Variants in LAMA2 observed in about 807,000 individuals in gnomAD.
The protein encoded by LAMA2 is laminin subunit alpha-2.
Under a neutral mutation model 364.8 loss-of-function variants are expected in LAMA2, and 269 were observed. The ratio of observed to expected loss-of-function variants is 0.74; its 90% CI spans 0.67 to 0.82. The LOEUF is 0.82. LAMA2 is among the 40% of genes least tolerant of loss of function. The probability of loss-of-function intolerance (pLI) is 0.00; values close to 1 mark genes in which losing one functional copy is unlikely to be tolerated. For synonymous variants in LAMA2, 1,379 were observed against 1,370.6 expected (o/e 1.01, Z -0.14); for missense variants, 3,807 against 3,873.2 (o/e 0.98, Z 0.45).
At chr6:129,231,590 T>C (rs1312458891) in intron 12 of LAMA2, among the ~76,000 whole-genome samples, 1 of 152,138 alleles carries the variant, frequency 6.6e-6, no homozygotes, top group Non-Finnish European at 1.5e-5. Flanking sequence ...CATGTTGACA[T>C]TGAATTGTTC....
intron 1 of LAMA2, among the ~76,000 whole-genome samples, chr6:128,914,209 A>G (rs984904047): frequency 2.0e-5 from 3 of 152,094 alleles, no homozygotes; most frequent in African/African-American, 7.2e-5. Flanking sequence ...TACTGTCACA[A>G]CTCCCAAAAA....
At chr6:129,301,013 A>G (rs1773518164) in intron 22 of LAMA2, 141 bp downstream of exon 22, 1 of 760,058 alleles carries the variant, frequency 1.3e-6, no homozygotes, top group African/African-American at 1.7e-5. Context: ...ACAGATATTA[A>G]TCAATATCTT....
intron 3 of LAMA2, among the ~76,000 whole-genome samples, chr6:129,078,386 C>T (rs1293120902): frequency 6.6e-6 from 1 of 152,076 alleles, no homozygotes; most frequent in Non-Finnish European, 1.5e-5. Flanking sequence ...CTGCCCATGT[C>T]AGCCTCCCAA....
intron 35 of LAMA2, among the ~76,000 whole-genome samples, chr6:129,389,472 G>A (rs1373481129): frequency 6.6e-6 from 1 of 152,162 alleles, no homozygotes; most frequent in Non-Finnish European, 1.5e-5. Context: ...GGGCAAGGGG[G>A]TTATCTGGCA....
At chr6:128,917,176 TAA>T (rs5879914) in intron 1 of LAMA2, among the ~76,000 whole-genome samples, 162 of 146,966 alleles carry the variant, frequency 1.1e-3, no homozygotes, top group East Asian at 5.2e-3. Context: ...AAGCCTTTTT[TAA>T]AAAAAAAAAA....
chr6:129,492,257 A>T, intron 57 of LAMA2, 58 bp from the exon 58 acceptor site: 1 of 1,562,304 alleles, frequency 6.4e-7, no homozygotes, highest in Non-Finnish European at 8.8e-7. Context: ...GATTGGGCTT[A>T]ATTGTAAGGA....
chr6:129,215,804 T>A (rs1055700779), intron 12 of LAMA2, among the ~76,000 whole-genome samples: 5 of 152,156 alleles, frequency 3.3e-5, no homozygotes, highest in Non-Finnish European at 7.4e-5. Context: ...ACTGAATAAT[T>A]CTTAACCCCC....
At chr6:129,132,823 A>C (rs998019221) in intron 4 of LAMA2, among the ~76,000 whole-genome samples, 1 of 152,326 alleles carries the variant, frequency 6.6e-6, no homozygotes. Context: ...TAATCCACCA[A>C]ACAGCACTAT....
intron 4 of LAMA2, among the ~76,000 whole-genome samples, chr6:129,114,381 T>A (rs1255914308): frequency 6.6e-6 from 1 of 152,048 alleles, no homozygotes; most frequent in African/African-American, 2.4e-5. Context: ...AGTCATCTTA[T>A]TAGAAGACTG....
At chr6:128,994,113 G>T (rs1176735062) in intron 1 of LAMA2, among the ~76,000 whole-genome samples, 1 of 152,100 alleles carries the variant, frequency 6.6e-6, no homozygotes, top group African/African-American at 2.4e-5. Context: ...GAAAATTGAT[G>T]GTCTAAATCA....
intron 1 of LAMA2, among the ~76,000 whole-genome samples, chr6:129,044,162 T>A (rs1466442539): frequency 2.0e-5 from 3 of 146,752 alleles, no homozygotes; most frequent in African/African-American, 7.9e-5. Flanking sequence ...AGATATCTGG[T>A]GTTTGCTGTG....
At chr6:129,413,769 C>A (rs538016067) in intron 40 of LAMA2, among the ~76,000 whole-genome samples, 1 of 151,872 alleles carries the variant, frequency 6.6e-6, no homozygotes, top group Admixed American at 6.6e-5. Flanking sequence ...TAAAGTGGTA[C>A]CAACAGGAAA....
chr6:129,459,478 C>T (rs559312257), intron 48 of LAMA2, among the ~76,000 whole-genome samples: 76 of 152,102 alleles, frequency 5.0e-4, no homozygotes, highest in Admixed American at 2.0e-3. Context: ...GATTATTTGT[C>T]GATTCTCTAT....
chr6:129,163,700 T>A (rs1779577421), intron 8 of LAMA2, among the ~76,000 whole-genome samples: 2 of 152,316 alleles, frequency 1.3e-5, no homozygotes, highest in South Asian at 4.1e-4. Context: ...AGTATCATGT[T>A]TGAGAAAACT....
In LAMA2 at chr6:129,050,271, A is replaced by G. The variant is rs145127299; in HGVS notation, c.283+183A>G. Among the ~76,000 whole-genome samples, 207 of 152,242 alleles carry G rather than the reference A, an allele frequency of 1.4e-3. 1 individual carries two copies. The highest frequency in any genetic ancestry group is 4.8e-3 in the African/African-American group (199 of 41,534). On this transcript the variant is annotated intron_variant, in intron 2 of 64. Coordinates refer to ENST00000421865, the MANE Select transcript of LAMA2 (RefSeq NM_000426.4). ...AGCAAACATTATTGGAGTTCCTGCT[A>G]TGTGCTAAGTACAGTGATTGGAGAT...
intron 1 of LAMA2, among the ~76,000 whole-genome samples, chr6:128,927,486 T>C (rs759293548): frequency 2.6e-5 from 4 of 152,218 alleles, no homozygotes; most frequent in Non-Finnish European, 4.4e-5. Flanking sequence ...TCTCTAACTT[T>C]CTATCTCCTT....
At position 129,460,317 on chromosome 6, in the gene LAMA2, A is replaced by C; in HGVS notation, c.6985A>C (p.Thr2329Pro). ...REKEGDCKGC[T>P]VSPQVEDSEG... ...AAAAGAAGGTGACTGCAAAGGATGC[A>C]CTGTCAGGTTAGTTGAGATGAGAAC... The change falls in exon 49 of 65, where the codon ACT becomes CCT. Residue 2329 changes from threonine (T) to proline (P), a missense_variant. By Grantham distance (38) the Thr-to-Pro change is conservative. Coordinates refer to ENST00000421865, the MANE Select transcript of LAMA2 (RefSeq NM_000426.4). 5.6e-6 allele frequency: 9 copies of C among 1,612,182 alleles called. No homozygotes were observed. The highest frequency in any genetic ancestry group is 7.6e-6 in the Non-Finnish European group (9 of 1,178,672).
chr6:128,920,699 G>GCA (rs1554324443), intron 1 of LAMA2, among the ~76,000 whole-genome samples: 5 of 151,028 alleles, frequency 3.3e-5, no homozygotes, highest in East Asian at 1.9e-4. Flanking sequence ...ATACATGTGT[G>GCA]TATATATATG....
chr6:129,411,042 G>C (rs1780515735), intron 40 of LAMA2, among the ~76,000 whole-genome samples: 1 of 152,130 alleles, frequency 6.6e-6, no homozygotes, highest in African/African-American at 2.4e-5. Context: ...AAGAGATTGG[G>C]TGATGCACAG....
Sources: gnomAD v4.1 joint callset for allele counts (sites outside exome capture counted in the v4.1 genomes callset) on GRCh38, gnomAD v4.1.1 for gene constraint, MANE v1.5 for transcripts, NCBI Gene and HGNC (gene_info 2026-07-23, HGNC 2026-07-21) for gene names.